GSE1: variants seen among roughly 807,000 people sequenced by gnomAD.
The protein encoded by GSE1 is Gse1 coiled-coil protein, also known as genetic suppressor element 1.
GSE1 carries 32 observed loss-of-function variants against 112.6 expected under a neutral mutation model. The ratio of observed to expected loss-of-function variants is 0.28; its 90% CI spans 0.21 to 0.38. The LOEUF is 0.38. Ranked by LOEUF, GSE1 falls within the 10% of genes least tolerant of loss-of-function variation. GSE1 has a pLI of 1.00. For synonymous variants in GSE1, 1,115 were observed against 735.6 expected, an observed-to-expected ratio of 1.52 and a Z score of -8.35; for missense variants, 2,348 against 1,699.2, an observed-to-expected ratio of 1.38 and a Z score of -6.71.
intron 2 of GSE1, among the ~76,000 whole-genome samples, chr16:85,403,011 G>A (rs946498060): frequency 1.3e-5 from 2 of 152,004 alleles, no homozygotes; most frequent in African/African-American, 2.4e-5. Flanking sequence ...CAGCTTAGCC[G>A]GGCCTCCTGG....
At chr16:85,586,379 C>T (rs955513756) in intron 1 of GSE1, among the ~76,000 whole-genome samples, 29 of 152,214 alleles carry the variant, frequency 1.9e-4, no homozygotes, top group African/African-American at 6.0e-4. Context: ...GTGAGGTTCC[C>T]GAGTGCCGAG....
chr16:85,528,993 G>A (rs2052459602), intron 2 of GSE1, among the ~76,000 whole-genome samples: 1 of 152,194 alleles, frequency 6.6e-6, no homozygotes, highest in Admixed American at 6.5e-5. Context: ...TCAAATGGGA[G>A]CCATGGAGGG....
In GSE1 at chr16:85,665,025, A is replaced by C; in HGVS notation, c.2655A>C (p.Arg885Ser). 6.2e-7 allele frequency: 1 copy of C among 1,602,708 alleles called. No individual in the cohort carries two copies. The highest frequency in any genetic ancestry group is 8.5e-7 in the Non-Finnish European group (1 of 1,169,952). The change falls in exon 12 of 16, where the codon AGA becomes AGC. Residue 885 changes from arginine to serine, a missense_variant. Transcript: ENST00000253458. ...CTGCTTTTCTCATAGACAAAGAGAG[A>C]CTTGTTGAAATGCTCCGTGCCATGA... ...ISAEKRKDKERLVEMLRAMKQ... is the reference protein window; with the variant it reads ...ISAEKRKDKESLVEMLRAMKQ...
At chr16:85,190,160 A>G (rs11861420) in intron 1 of GSE1, among the ~76,000 whole-genome samples, 14,671 of 152,226 alleles carry the variant, frequency 0.096, 831 homozygotes, top group Middle Eastern at 0.15. Flanking sequence ...GGCTAAAGCA[A>G]TTTCTCTCTA....
intron 1 of GSE1, among the ~76,000 whole-genome samples, chr16:85,303,884 A>T (rs1292493559): frequency 6.6e-6 from 1 of 152,200 alleles, no homozygotes; most frequent in Non-Finnish European, 1.5e-5. Flanking sequence ...CGCTGCCCCC[A>T]GGGTTGTCCC....
intron 2 of GSE1, among the ~76,000 whole-genome samples, chr16:85,436,097 C>A (rs2049240576): frequency 6.6e-6 from 1 of 152,214 alleles, no homozygotes; most frequent in African/African-American, 2.4e-5. Flanking sequence ...CCTCTACAGC[C>A]TTCCAGAAAC....
At chr16:85,471,020 G>C (rs903698968) in intron 2 of GSE1, among the ~76,000 whole-genome samples, 7 of 152,226 alleles carry the variant, frequency 4.6e-5, no homozygotes, top group Admixed American at 2.0e-4. Flanking sequence ...GGCGCTGGGG[G>C]CTCCTACTGC....
intron 2 of GSE1, among the ~76,000 whole-genome samples, chr16:85,383,718 G>A (rs2047619651): frequency 2.0e-5 from 3 of 152,198 alleles, no homozygotes; most frequent in Non-Finnish European, 2.9e-5. Flanking sequence ...AGGCCAAGAG[G>A]AGAGAGTGGC....
chr16:85,471,560 C>T (rs2050296611), intron 2 of GSE1, among the ~76,000 whole-genome samples: 1 of 152,016 alleles, frequency 6.6e-6, no homozygotes, highest in Non-Finnish European at 1.5e-5. Flanking sequence ...ACTACAGGCA[C>T]ACCACCATGC....
chr16:85,668,461 G>C (rs1181087932), intron 14 of GSE1, 37 bp downstream of exon 14: 14 of 1,376,552 alleles, frequency 1.0e-5, no homozygotes, highest in Non-Finnish European at 1.4e-5. Context: ...GAGGGGGTCA[G>C]GAAAGTACCT....
chr16:85,331,712 T>A (rs1463407839), intron 1 of GSE1, among the ~76,000 whole-genome samples: 125 of 92,256 alleles, frequency 1.4e-3, no homozygotes, highest in South Asian at 5.3e-3. Context: ...TATATATTTT[T>A]TTTTTTTTTT....
Position 85,655,935 on chromosome 16 carries a change from C to T in GSE1, c.989+18C>T, listed in dbSNP as rs545234783. The T allele has an allele frequency of 5.1e-6, 8 of 1,583,422 alleles. No homozygotes were observed. The highest frequency in any genetic ancestry group is 2.2e-5 in the East Asian group (1 of 44,748). The stretch of plus-strand genomic sequence containing the variant: ...GCGGAGAGGTAAGTGCGTCTCGAGC[C>T]GAGGAGCCCCTCTGCCCTCCCTGTC... On this transcript the variant is annotated intron_variant, in intron 6 of 15. Transcript: ENST00000253458.
exon 1 of GSE1, chr16:85,556,152 GA>G (rs1215893630): frequency 8.1e-4 from 645 of 800,212 alleles, no homozygotes; most frequent in Non-Finnish European, 8.7e-4. Context: ...GCGGGGGGGG[GA>G]AAGACTGATT....
At chr16:85,245,741 G>A (rs985173992) in intron 1 of GSE1, among the ~76,000 whole-genome samples, 2 of 152,146 alleles carry the variant, frequency 1.3e-5, no homozygotes, top group African/African-American at 2.4e-5. Context: ...GATTAGAGGG[G>A]GACGGCAAGA....
intron 1 of GSE1, among the ~76,000 whole-genome samples, chr16:85,240,748 G>C (rs1905104043): frequency 6.6e-6 from 1 of 152,240 alleles, no homozygotes. Flanking sequence ...TGACAGTTGA[G>C]GGTGTCAGAA....
intron 2 of GSE1, among the ~76,000 whole-genome samples, chr16:85,534,447 TAA>T (rs761293733): frequency 1.3e-5 from 2 of 152,170 alleles, no homozygotes; most frequent in Non-Finnish European, 2.9e-5. Flanking sequence ...AACATTATGG[TAA>T]AATATACATA....
intron 2 of GSE1, among the ~76,000 whole-genome samples, chr16:85,421,787 A>G (rs1464495076): frequency 6.6e-6 from 1 of 151,834 alleles, no homozygotes; most frequent in Non-Finnish European, 1.5e-5. Context: ...AACCCCAGAG[A>G]GGTAGATGGG....
chr16:85,359,522 G>T (rs1341745749), intron 2 of GSE1: 4 of 414,172 alleles, frequency 9.7e-6, no homozygotes, highest in Middle Eastern at 3.5e-4. Context: ...GTAAGAGGGA[G>T]CCCTAATAGT....
intron 2 of GSE1, among the ~76,000 whole-genome samples, chr16:85,520,375 C>T (rs117575759): frequency 0.03 from 4,571 of 152,164 alleles, 109 homozygotes; most frequent in South Asian, 0.1. Flanking sequence ...TTGTAGCAGA[C>T]CCCTGAGAGA....
Sources: allele counts gnomAD v4.1 joint callset (sites outside exome capture counted in the v4.1 genomes callset), GRCh38; gene constraint gnomAD v4.1.1; transcripts MANE v1.5; gene names NCBI Gene and HGNC (gene_info 2026-07-23, HGNC 2026-07-21).